The following GSE1 variants were observed in gnomAD, a reference collection of about 807,000 sequenced individuals.
GSE1 encodes the protein Gse1 coiled-coil protein.
A neutral mutation model predicts 112.6 loss-of-function variants in GSE1; 32 were observed. The observed-to-expected ratio is 0.28, with a 90% CI of 0.21 to 0.38. The LOEUF is 0.38. Ranked by LOEUF, GSE1 falls within the 10% of genes least tolerant of loss-of-function variation. The pLI is 1.00. For missense variants in GSE1, 2,348 were observed against 1,699.2 expected (o/e 1.38, Z -6.71); for synonymous variants, 1,115 against 735.6 (o/e 1.52, Z -8.35).
chr16:85,350,075 G>T (rs1227777666), intron 1 of GSE1, among the ~76,000 whole-genome samples: 3 of 152,216 alleles, frequency 2.0e-5, no homozygotes, highest in African/African-American at 7.2e-5. Context: ...GAGCCTCTGA[G>T]AATTCAGGTG....
At chr16:85,604,700 G>A (rs1267006006) in intron 1 of GSE1, among the ~76,000 whole-genome samples, 4 of 77,532 alleles carry the variant, frequency 5.2e-5, no homozygotes, top group East Asian at 4.7e-4. Flanking sequence ...AGCTATGATC[G>A]CACTACCGCG....
intron 2 of GSE1, among the ~76,000 whole-genome samples, chr16:85,531,971 AG>A (rs372689976): frequency 4.6e-5 from 7 of 152,166 alleles, no homozygotes; most frequent in Admixed American, 2.6e-4. Context: ...GGGCGCGAGT[AG>A]GGGGGCAGGC....
intron 2 of GSE1, among the ~76,000 whole-genome samples, chr16:85,416,369 T>C (rs1481323723): frequency 1.3e-5 from 2 of 151,868 alleles, no homozygotes; most frequent in Admixed American, 1.3e-4. Flanking sequence ...CTCTGTGGGG[T>C]TTCTCCGTTC....
intron 13 of GSE1, among the ~76,000 whole-genome samples, chr16:85,667,424 C>T (rs1377731628): frequency 6.6e-6 from 1 of 152,244 alleles, no homozygotes; most frequent in Non-Finnish European, 1.5e-5. Flanking sequence ...TGAGACAGGG[C>T]ATGCCCTCTT....
chr16:85,440,715 C>T (rs2151780203), intron 2 of GSE1, among the ~76,000 whole-genome samples: 1 of 152,340 alleles, frequency 6.6e-6, no homozygotes, highest in East Asian at 1.9e-4. Context: ...GCTGAGGCCC[C>T]AGGAACCATC....
At chr16:85,514,615 C>G (rs2151938917) in intron 2 of GSE1, among the ~76,000 whole-genome samples, 1 of 152,342 alleles carries the variant, frequency 6.6e-6, no homozygotes, top group East Asian at 1.9e-4. Context: ...GCTTGTCACA[C>G]AGGCGGCTGA....
At position 85,654,419 on chromosome 16, in the gene GSE1, G is replaced by T; in HGVS notation, c.568G>T (p.Val190Phe). The T allele has an allele frequency of 6.3e-7, 1 of 1,580,864 alleles. No homozygotes were observed. The highest frequency in any genetic ancestry group is 8.6e-7 in the Non-Finnish European group (1 of 1,163,402). Residue 190 changes from valine to phenylalanine, a missense_variant, in exon 4 of 16, where the codon GTT becomes TTT. Coordinates refer to ENST00000253458, the MANE Select transcript of GSE1 (RefSeq NM_014615.5). ...CCCCTTCGGCCTCTCCCCCAGCTCA[G>T]TTGTGCAGGATTCCCGCTTCCCGCC... ...PYPFGLSPSS[V>F]VQDSRFPPLN...
chr16:85,310,237 C>T (rs2045799859), intron 1 of GSE1, among the ~76,000 whole-genome samples: 1 of 152,180 alleles, frequency 6.6e-6, no homozygotes, highest in East Asian at 1.9e-4. Flanking sequence ...GGGAGGGGTG[C>T]GTGAGGCGTG....
intron 1 of GSE1, among the ~76,000 whole-genome samples, chr16:85,354,103 C>T (rs761258160): frequency 1.1e-4 from 17 of 152,174 alleles, no homozygotes; most frequent in South Asian, 2.1e-4. Context: ...CCAGGAAGCC[C>T]GTGCGGATTT....
chr16:85,363,012 A>G (rs1481064459), intron 2 of GSE1, among the ~76,000 whole-genome samples: 2 of 151,424 alleles, frequency 1.3e-5, no homozygotes. Context: ...ATTTTTTTGT[A>G]TTTTAATAGA....
chr16:85,464,683 G>T (rs1014402707), intron 2 of GSE1, among the ~76,000 whole-genome samples: 1 of 152,266 alleles, frequency 6.6e-6, no homozygotes, highest in African/African-American at 2.4e-5. Flanking sequence ...GGGTGTGGTG[G>T]TTGGATCCTG....
intron 2 of GSE1, among the ~76,000 whole-genome samples, chr16:85,445,470 A>G (rs1375365805): frequency 6.6e-6 from 1 of 152,236 alleles, no homozygotes; most frequent in Non-Finnish European, 1.5e-5. Context: ...GACCCCTCAC[A>G]GGTGCAGGCC....
chr16:85,555,804 GT>G (rs1256578074), upstream of GSE1: 531 of 811,838 alleles, frequency 6.5e-4, no homozygotes, highest in Middle Eastern at 1.2e-3. Context: ...CCTGGGGGCT[GT>G]TTTTTTTTTC....
chr16:85,281,008 G>A (rs776295097), intron 1 of GSE1, among the ~76,000 whole-genome samples: 95 of 152,264 alleles, frequency 6.2e-4, no homozygotes, highest in African/African-American at 1.3e-3. Flanking sequence ...TGCCTCTGCC[G>A]CCCCATGTCT....
chr16:85,666,204 C>T lies in GSE1; in HGVS notation c.2987C>T (p.Ala996Val). 1 of 1,613,648 alleles carries T rather than the reference C, an allele frequency of 6.2e-7. No homozygotes were observed. Among genetic ancestry groups the T allele is most frequent in the Non-Finnish European group, 8.5e-7 (1 of 1,180,040 alleles). The change falls in exon 13 of 16, where the codon GCA becomes GTA. Residue 996 changes from alanine (A) to valine (V), a missense_variant. Ala to Val is a moderately conservative substitution (Grantham distance 64). Coordinates refer to ENST00000253458, the MANE Select transcript of GSE1 (RefSeq NM_014615.5). ...ATGCTTCACTATATCCGGGGCGCTGCACCCAAGGACATTCCTGTGCCGCTG... is the reference window on the plus strand; with the variant it reads ...ATGCTTCACTATATCCGGGGCGCTGTACCCAAGGACATTCCTGTGCCGCTG... ...LSMLHYIRGA[A>V]PKDIPVPLSH...
upstream of GSE1, chr16:85,554,828 G>T: frequency 1.0e-6 from 1 of 968,960 alleles, no homozygotes; most frequent in South Asian, 4.8e-5. Context: ...GCCAGAGCGC[G>T]GAGTTGGGCA....
intron 1 of GSE1, among the ~76,000 whole-genome samples, chr16:85,280,507 T>G (rs574463197): frequency 2.6e-5 from 4 of 152,352 alleles, no homozygotes; most frequent in African/African-American, 7.2e-5. Context: ...GCGATTCTCC[T>G]GCCTCAGCCT....
At chr16:85,256,621 G>A (rs973017266) in intron 1 of GSE1, among the ~76,000 whole-genome samples, 23 of 152,350 alleles carry the variant, frequency 1.5e-4, no homozygotes, top group African/African-American at 5.3e-4. Context: ...CCGGGACCCC[G>A]GATTCCACCA....
intron 1 of GSE1, among the ~76,000 whole-genome samples, chr16:85,228,979 G>A (rs2143819364): frequency 6.6e-6 from 1 of 152,360 alleles, no homozygotes; most frequent in African/African-American, 2.4e-5. Context: ...ATCCCAGGAG[G>A]GAACAACTGT....
Sources: gnomAD v4.1 joint callset for allele counts (sites outside exome capture counted in the v4.1 genomes callset) on GRCh38, gnomAD v4.1.1 for gene constraint, MANE v1.5 for transcripts, NCBI Gene and HGNC (gene_info 2026-07-23, HGNC 2026-07-21) for gene names.